The following MARCHF7 variants were observed in gnomAD, a reference collection of about 807,000 sequenced individuals.
The protein encoded by MARCHF7 is membrane associated ring-CH-type finger 7, also known as E3 ubiquitin-protein ligase MARCHF7.
Under a neutral mutation model 76.5 loss-of-function variants are expected in MARCHF7, and 20 were observed. The ratio of observed to expected loss-of-function variants is 0.26; its 90% CI spans 0.18 to 0.38. The LOEUF is 0.38. Among genes scored for constraint, MARCHF7 ranks in the 10% least tolerant of loss-of-function variants. The pLI is 1.00. For missense variants in MARCHF7, 797 were observed against 812.9 expected (o/e 0.98, Z 0.24); for synonymous variants, 295 against 293.0 (o/e 1.01, Z -0.07).
Position 159,763,011 on chromosome 2 carries a change from T to C in MARCHF7, c.2007+18T>C. 6.5e-7 allele frequency: 1 copy of C among 1,547,016 alleles called. No individual in the cohort carries two copies. Among genetic ancestry groups the C allele is most frequent in the Non-Finnish European group, 8.9e-7 (1 of 1,122,618 alleles). On this transcript the variant is annotated intron_variant, in intron 10 of 11. Coordinates refer to ENST00000409175, the MANE Select transcript of MARCHF7 (RefSeq NM_001282805.2). Reference sequence around the variant, plus strand: ...GTGTCCGAGTAAGTAATAATGAAGTTGGGGAGAGGGAGGGTATGATGCAGC... The same window carrying C: ...GTGTCCGAGTAAGTAATAATGAAGTCGGGGAGAGGGAGGGTATGATGCAGC...
chr2:159,761,484 G>A (rs796229087), intron 9 of MARCHF7, among the ~76,000 whole-genome samples: 34 of 120,024 alleles, frequency 2.8e-4, no homozygotes, highest in Middle Eastern at 7.7e-3. Flanking sequence ...GCATGATCTC[G>A]GCCAACTGCA....
chr2:159,726,530 G>A (rs1702196967), intron 3 of MARCHF7, among the ~76,000 whole-genome samples: 2 of 152,056 alleles, frequency 1.3e-5, no homozygotes, highest in African/African-American at 4.8e-5. Context: ...CCAAAGTGCT[G>A]GGATTACAGG....
In MARCHF7 at chr2:159,748,028, A is replaced by C; in HGVS notation, c.738A>C (p.Ser246=). 6.2e-7 allele frequency: 1 copy of C among 1,614,194 alleles called. No homozygotes were observed. ...CGCAGCCTGGATTTTCTTACAGTTC[A>C]AGTAGAGATGAAGCCCCAATCATAA... ...SNTQPGFSYS[S]SRDEAPIISN... The change falls in exon 7 of 12, where the codon TCA becomes TCC. Residue 246 remains serine, a synonymous_variant. Transcript: ENST00000409175.
chr2:159,760,614 C>T (rs994145767), intron 9 of MARCHF7, among the ~76,000 whole-genome samples: 1 of 151,982 alleles, frequency 6.6e-6, no homozygotes, highest in Non-Finnish European at 1.5e-5. Flanking sequence ...CATAACTTGT[C>T]TTCTCAAAAT....
chr2:159,739,601 G>C (rs1703889037), intron 4 of MARCHF7, among the ~76,000 whole-genome samples: 1 of 152,158 alleles, frequency 6.6e-6, no homozygotes, highest in Non-Finnish European at 1.5e-5. Flanking sequence ...CAGCAGAAGA[G>C]ATAATACATT....
intron 4 of MARCHF7, chr2:159,734,016 C>T (rs1030946598): frequency 7.4e-7 from 1 of 1,350,658 alleles, no homozygotes. Context: ...TTCTGCTATC[C>T]CATCTTTAAA....
At chr2:159,763,896 A>G (rs1031323280) in intron 10 of MARCHF7, among the ~76,000 whole-genome samples, 1 of 152,194 alleles carries the variant, frequency 6.6e-6, no homozygotes, top group South Asian at 2.1e-4. Context: ...CATATTATCT[A>G]TCAAGAGCAT....
intron 4 of MARCHF7, among the ~76,000 whole-genome samples, chr2:159,735,755 C>G (rs1207464115): frequency 6.6e-6 from 1 of 152,146 alleles, no homozygotes; most frequent in African/African-American, 2.4e-5. Flanking sequence ...TTTCTACCTT[C>G]TGACTATTAT....
chr2:159,749,743 G>T (rs1705390636), intron 7 of MARCHF7, among the ~76,000 whole-genome samples: 2 of 149,572 alleles, frequency 1.3e-5, no homozygotes, highest in Non-Finnish European at 3.0e-5. Context: ...GGGGCGGGGG[G>T]GGCGGTTGTG....
At chr2:159,745,022 A>G (rs954464913) in intron 5 of MARCHF7, among the ~76,000 whole-genome samples, 1 of 152,184 alleles carries the variant, frequency 6.6e-6, no homozygotes, top group Admixed American at 6.5e-5. Flanking sequence ...AATAATTCTG[A>G]TGAAATTGTG....
chr2:159,756,312 T>C (rs376697858), intron 8 of MARCHF7, among the ~76,000 whole-genome samples: 11 of 152,346 alleles, frequency 7.2e-5, no homozygotes, highest in African/African-American at 2.6e-4. Flanking sequence ...AACACTTAGC[T>C]AGCTATAGGG....
intron 3 of MARCHF7, among the ~76,000 whole-genome samples, chr2:159,723,755 C>G (rs898468829): frequency 6.6e-6 from 1 of 152,174 alleles, no homozygotes; most frequent in African/African-American, 2.4e-5. Flanking sequence ...TCATGCCTTT[C>G]ATGAACAGCT....
chr2:159,723,868 G>A (rs575191971), intron 3 of MARCHF7, among the ~76,000 whole-genome samples: 7 of 150,754 alleles, frequency 4.6e-5, no homozygotes, highest in Non-Finnish European at 7.4e-5. Context: ...CCAATGAGAT[G>A]TAGTTTCCAT....
At chr2:159,764,059 T>C (rs1707420405) in intron 10 of MARCHF7, among the ~76,000 whole-genome samples, 2 of 152,202 alleles carry the variant, frequency 1.3e-5, no homozygotes, top group South Asian at 4.1e-4. Context: ...TGAATTCATG[T>C]GTTTTTAAAA....
rs775090098 is a variant in MARCHF7 at position 159,762,915 on chromosome 2, A to G, written c.1929A>G (p.Leu643=). The G allele has an allele frequency of 6.2e-7, 1 of 1,612,892 alleles. No homozygotes were observed. Among genetic ancestry groups the G allele is most frequent in the Admixed American group, 1.7e-5 (1 of 59,764 alleles). ...EYEFISSGLY[L]VVLLHLCEQS... Reference sequence around the variant, plus strand: ...AGTTTATCAGCTCTGGTCTCTACCTAGTGGTGTTATTGCACTTGTGCGAAC... The same window carrying G: ...AGTTTATCAGCTCTGGTCTCTACCTGGTGGTGTTATTGCACTTGTGCGAAC... The change falls in exon 10 of 12, where the codon CTA becomes CTG. Residue 643 remains leucine (L), a synonymous_variant. Coordinates refer to ENST00000409175, the MANE Select transcript of MARCHF7 (RefSeq NM_001282805.2).
At chr2:159,742,511 A>G (rs1385611948) in intron 4 of MARCHF7, among the ~76,000 whole-genome samples, 1 of 151,586 alleles carries the variant, frequency 6.6e-6, no homozygotes, top group Non-Finnish European at 1.5e-5. Flanking sequence ...AAATGATTAC[A>G]GTTTTTGGTC....
At chr2:159,716,905 G>C (rs60160227) in intron 3 of MARCHF7, among the ~76,000 whole-genome samples, 11,322 of 152,116 alleles carry the variant, frequency 0.074, 867 homozygotes, top group African/African-American at 0.19. Flanking sequence ...AACCACCTCG[G>C]GACCTAGTGG....
chr2:159,761,172 G>A (rs576225415), intron 9 of MARCHF7, among the ~76,000 whole-genome samples: 39 of 149,942 alleles, frequency 2.6e-4, no homozygotes, highest in Admixed American at 1.6e-3. Flanking sequence ...ATTGCCACCC[G>A]CCTCCACACC....
At chr2:159,744,531 G>GTT (rs1194693260) in intron 5 of MARCHF7, among the ~76,000 whole-genome samples, 8 of 152,224 alleles carry the variant, frequency 5.3e-5, no homozygotes, top group African/African-American at 1.4e-4. Flanking sequence ...CAGTGCCAGT[G>GTT]TTTAAGAGGA....
Sources: gnomAD v4.1 joint callset for allele counts (sites outside exome capture counted in the v4.1 genomes callset) on GRCh38, gnomAD v4.1.1 for gene constraint, MANE v1.5 for transcripts, NCBI Gene and HGNC (gene_info 2026-07-23, HGNC 2026-07-21) for gene names.